SPCS2: variants seen among roughly 807,000 people sequenced by gnomAD.
SPCS2 encodes signal peptidase complex subunit 2.
In SPCS2, 3 loss-of-function variants were observed where a neutral mutation model predicts 22.3. The ratio of observed to expected loss-of-function variants is 0.13; its 90% CI spans 0.06 to 0.35. SPCS2 has a LOEUF of 0.35. Ranked by LOEUF, SPCS2 falls within the 10% of genes least tolerant of loss-of-function variation. The probability of loss-of-function intolerance (pLI) is 1.00; values close to 1 mark genes in which losing one functional copy is unlikely to be tolerated. For missense variants in SPCS2, 169 were observed against 280.9 expected, an observed-to-expected ratio of 0.60 and a Z score of 2.85; for synonymous variants, 67 against 97.2, an observed-to-expected ratio of 0.69 and a Z score of 1.83.
chr11:74,961,249 T>C (rs1948512787), intron 1 of SPCS2, among the ~76,000 whole-genome samples: 1 of 152,212 alleles, frequency 6.6e-6, no homozygotes. Context: ...TGTGCTATGT[T>C]TTATAATTAC....
rs773082471 is a variant in SPCS2 at position 74,976,902 on chromosome 11, A to G, written c.540A>G (p.Arg180=). The G allele has an allele frequency of 9.3e-6, 15 of 1,613,626 alleles. No individual in the cohort carries two copies. The highest frequency in any genetic ancestry group is 1.3e-5 in the Non-Finnish European group (15 of 1,179,682). The change falls in exon 5 of 5, where the codon AGA becomes AGG. Residue 180 remains arginine (R), a synonymous_variant. Coordinates refer to ENST00000263672, the MANE Select transcript of SPCS2 (RefSeq NM_014752.3). ...TGAAGCTGACCTTCATCAGTGGGAG[A>G]ACAAAGCAGCAGCGGGAAGCCGAGT... ...YTLKLTFISG[R]TKQQREAEFT...
At chr11:74,971,187 T>G (rs767451685) in intron 4 of SPCS2, among the ~76,000 whole-genome samples, 5 of 152,282 alleles carry the variant, frequency 3.3e-5, no homozygotes, top group Admixed American at 6.5e-5. Flanking sequence ...TCGTTCATGT[T>G]GTAGCATGTA....
chr11:74,955,884 A>ATATATATATATATATATATATATATATC (rs1555115691), intron 1 of SPCS2, among the ~76,000 whole-genome samples: 2 of 127,842 alleles, frequency 1.6e-5, no homozygotes, highest in South Asian at 2.5e-4. Flanking sequence ...ATATATATAT[A>ATATATATATATATATATATATATATATC]TATCTGCCTG....
chr11:74,959,454 A>G (rs1948499189), intron 1 of SPCS2, among the ~76,000 whole-genome samples: 1 of 152,168 alleles, frequency 6.6e-6, no homozygotes, highest in South Asian at 2.1e-4. Flanking sequence ...GTGCAGTGGC[A>G]CAATCACGGC....
At chr11:74,972,660 C>A (rs961608902) in intron 4 of SPCS2, among the ~76,000 whole-genome samples, 1 of 151,382 alleles carries the variant, frequency 6.6e-6, no homozygotes, top group Non-Finnish European at 1.5e-5. Context: ...GCAGCCCAGT[C>A]ATTGTCAGCC....
intron 4 of SPCS2, among the ~76,000 whole-genome samples, chr11:74,972,849 AAATC>A (rs568767055): frequency 1.6e-4 from 24 of 151,042 alleles, no homozygotes; most frequent in East Asian, 1.4e-3. Context: ...GCATAGCTAT[AAATC>A]AATCTAATCT....
chr11:74,949,312 G>C lies in SPCS2; in HGVS notation c.27G>C (p.Gly9=). The change falls in exon 1 of 5, where the codon GGG becomes GGC. Residue 9 remains glycine, a synonymous_variant. Transcript: ENST00000263672. Reference sequence around the variant, plus strand: ...TGGCGGCGGCAGCTGTACAGGGCGGGAGAAGCGGTGGTAGCGGAGGCTGTA... The same window carrying C: ...TGGCGGCGGCAGCTGTACAGGGCGGCAGAAGCGGTGGTAGCGGAGGCTGTA... MAAAAVQG[G]RSGGSGGCSG... 1 of 1,550,516 alleles carries C rather than the reference G, an allele frequency of 6.4e-7. No homozygotes were observed. The highest frequency in any genetic ancestry group is 8.7e-7 in the Non-Finnish European group (1 of 1,146,630).
intron 4 of SPCS2, among the ~76,000 whole-genome samples, chr11:74,976,431 C>T (rs1215257408): frequency 6.6e-6 from 1 of 152,200 alleles, no homozygotes; most frequent in Non-Finnish European, 1.5e-5. Flanking sequence ...AGAGGAAACA[C>T]ATCTGACCCA....
chr11:74,954,426 G>A (rs189291204), intron 1 of SPCS2, among the ~76,000 whole-genome samples: 2 of 152,176 alleles, frequency 1.3e-5, no homozygotes, highest in African/African-American at 2.4e-5. Context: ...GCTAGCTAAC[G>A]TAGTAGTGGG....
chr11:74,968,655 CAGG>C, intron 3 of SPCS2, among the ~76,000 whole-genome samples: 1 of 151,902 alleles, frequency 6.6e-6, no homozygotes, highest in Non-Finnish European at 1.5e-5. Flanking sequence ...TCCTGAGTAG[CAGG>C]ACTACAGGCA....
At chr11:74,956,693 T>C (rs1948481283) in intron 1 of SPCS2, among the ~76,000 whole-genome samples, 1 of 152,180 alleles carries the variant, frequency 6.6e-6, no homozygotes, top group African/African-American at 2.4e-5. Flanking sequence ...ACTCACTCTC[T>C]TGCTGAATCT....
At chr11:74,959,714 CTT>C (rs1331305555) in intron 1 of SPCS2, among the ~76,000 whole-genome samples, 4 of 152,088 alleles carry the variant, frequency 2.6e-5, no homozygotes, top group Non-Finnish European at 5.9e-5. Context: ...TATTTTGTCT[CTT>C]TTTTTGATCC....
chr11:74,962,703 A>C (rs1398480877), intron 1 of SPCS2, among the ~76,000 whole-genome samples: 1 of 152,214 alleles, frequency 6.6e-6, no homozygotes, highest in Non-Finnish European at 1.5e-5. Flanking sequence ...CTTCTTCCAG[A>C]TGGTTCTCCA....
At chr11:74,956,571 C>T (rs1279999502) in intron 1 of SPCS2, among the ~76,000 whole-genome samples, 1 of 152,196 alleles carries the variant, frequency 6.6e-6, no homozygotes, top group Non-Finnish European at 1.5e-5. Context: ...CTGACCACTC[C>T]TACCTAGAGA....
At chr11:74,968,890 A>G (rs190254076) in intron 3 of SPCS2, among the ~76,000 whole-genome samples, 38 of 152,194 alleles carry the variant, frequency 2.5e-4, no homozygotes, top group Non-Finnish European at 2.8e-4. Context: ...GCTGGTTTCA[A>G]ACTCCAGGTC....
chr11:74,965,270 CAGAG>C, intron 2 of SPCS2, 153 bp downstream of exon 2: 1 of 565,792 alleles, frequency 1.8e-6, no homozygotes, highest in Non-Finnish European at 3.1e-6. Flanking sequence ...CAGAAAAAGT[CAGAG>C]GAAGTGTGTT....
intron 4 of SPCS2, among the ~76,000 whole-genome samples, chr11:74,971,239 T>G (rs894600680): frequency 6.6e-6 from 1 of 152,262 alleles, no homozygotes; most frequent in African/African-American, 2.4e-5. Flanking sequence ...ACATTCCATT[T>G]TGTTTATCCA....
chr11:74,964,115 G>T (rs1022100964), intron 1 of SPCS2, among the ~76,000 whole-genome samples: 1 of 152,184 alleles, frequency 6.6e-6, no homozygotes, highest in African/African-American at 2.4e-5. Flanking sequence ...CAATCCCCTT[G>T]TAAATGAGCA....
At chr11:74,966,730 T>TTTTTTAAACAATGTTACCC (rs1488751050) in intron 3 of SPCS2, among the ~76,000 whole-genome samples, 2 of 150,954 alleles carry the variant, frequency 1.3e-5, no homozygotes, top group African/African-American at 2.4e-5. Context: ...GGTAGTTTAC[T>TTTTTTAAACAATGTTACCC]TTTTTAAACA....
Sources: allele counts gnomAD v4.1 joint callset (sites outside exome capture counted in the v4.1 genomes callset), GRCh38; gene constraint gnomAD v4.1.1; transcripts MANE v1.5; gene names NCBI Gene and HGNC (gene_info 2026-07-23, HGNC 2026-07-21).